Variants in RARB observed in about 807,000 individuals in gnomAD.
RARB encodes HBV-activated protein.
A neutral mutation model predicts 51.9 loss-of-function variants in RARB; 17 were observed. That is an observed-to-expected ratio of 0.33 (90% CI 0.22 to 0.49). RARB has a LOEUF of 0.49. RARB is among the 20% of genes least tolerant of loss of function. The probability of loss-of-function intolerance (pLI) is 0.99; values close to 1 mark genes in which losing one functional copy is unlikely to be tolerated. For synonymous variants in RARB, 215 were observed against 195.4 expected (o/e 1.10, Z -0.84); for missense variants, 369 against 550.8 (o/e 0.67, Z 3.30).
At chr3:25,460,278 A>G (rs973534278) in intron 1 of RARB, among the ~76,000 whole-genome samples, 1 of 152,100 alleles carries the variant, frequency 6.6e-6, no homozygotes, top group African/African-American at 2.4e-5. Flanking sequence ...TGTTGGCCCA[A>G]GGAGCCTTCT....
chr3:25,251,236 A>G (rs963598332), intron 5 of RARB, among the ~76,000 whole-genome samples: 4 of 151,988 alleles, frequency 2.6e-5, no homozygotes, highest in South Asian at 2.1e-4. Flanking sequence ...ATTATATTTT[A>G]TAGATATAGA....
At chr3:25,454,605 C>A (rs984251533) in intron 1 of RARB, among the ~76,000 whole-genome samples, 1 of 152,150 alleles carries the variant, frequency 6.6e-6, no homozygotes, top group East Asian at 1.9e-4. Context: ...ATGATGCCTG[C>A]CTGCCTGTAA....
chr3:25,450,888 G>A lies in RARB; in HGVS notation c.158-10305G>A, dbSNP rs185730750. On this transcript the variant is annotated intron_variant, in intron 1 of 7. Coordinates refer to ENST00000330688, the MANE Select transcript of RARB (RefSeq NM_000965.5). ...TCACCTGAGGTCAGGAGTTCGAGACGAGCCTGGCTAACATGGTGAAACCCG... is the reference window on the plus strand; with the variant it reads ...TCACCTGAGGTCAGGAGTTCGAGACAAGCCTGGCTAACATGGTGAAACCCG... 2.8e-3 allele frequency among the ~76,000 whole-genome samples: 428 copies of A among 152,212 alleles called. 1 individual carries two copies. Among genetic ancestry groups the A allele is most frequent in the Non-Finnish European group, 5.2e-3 (354 of 68,002 alleles).
intron 5 of RARB, among the ~76,000 whole-genome samples, chr3:25,220,311 A>T (rs1701919848): frequency 6.6e-6 from 1 of 152,206 alleles, no homozygotes; most frequent in African/African-American, 2.4e-5. Flanking sequence ...GCAGTAACTT[A>T]GATGTTGTGT....
chr3:25,067,669 A>C (rs1698689336), intron 3 of RARB, among the ~76,000 whole-genome samples: 1 of 152,202 alleles, frequency 6.6e-6, no homozygotes, highest in South Asian at 2.1e-4. Flanking sequence ...ATTTCAATGA[A>C]TAAATCTTCC....
chr3:25,399,678 G>A (rs1256441891), intron 5 of RARB, among the ~76,000 whole-genome samples: 2 of 152,200 alleles, frequency 1.3e-5, no homozygotes, highest in Non-Finnish European at 2.9e-5. Flanking sequence ...CCCTTGGCTT[G>A]TGAAGCTACC....
At chr3:25,567,073 A>G (rs1471277285) in intron 3 of RARB, among the ~76,000 whole-genome samples, 1 of 151,984 alleles carries the variant, frequency 6.6e-6, no homozygotes, top group Non-Finnish European at 1.5e-5. Flanking sequence ...TTCAGAATCG[A>G]CTCAAACAGT....
At chr3:25,394,830 T>C (rs1042077195) in intron 5 of RARB, among the ~76,000 whole-genome samples, 1 of 152,182 alleles carries the variant, frequency 6.6e-6, no homozygotes, top group African/African-American at 2.4e-5. Flanking sequence ...AGCAGATACT[T>C]GGTTGCTGAA....
chr3:25,107,054 C>G (rs1436977381), intron 3 of RARB, among the ~76,000 whole-genome samples: 1 of 152,096 alleles, frequency 6.6e-6, no homozygotes. Context: ...GTAAGCACCA[C>G]TATACCCAGC....
chr3:25,364,397 A>C (rs927392509), intron 5 of RARB, among the ~76,000 whole-genome samples: 3 of 152,220 alleles, frequency 2.0e-5, no homozygotes, highest in Admixed American at 6.5e-5. Context: ...GTTGAATCCT[A>C]TGTACCTCCT....
chr3:25,518,664 A>G (rs1463375432), intron 3 of RARB, among the ~76,000 whole-genome samples: 1 of 152,210 alleles, frequency 6.6e-6, no homozygotes, highest in East Asian at 1.9e-4. Context: ...TCTTCATTCC[A>G]TTTCAAATTC....
intron 4 of RARB, among the ~76,000 whole-genome samples, chr3:25,135,944 A>AT (rs11457527): frequency 0.57 from 86,559 of 151,492 alleles, 25,001 homozygotes; most frequent in East Asian, 0.7. Flanking sequence ...CATTAAAAAA[A>AT]GAAATATAAA....
intron 5 of RARB, among the ~76,000 whole-genome samples, chr3:25,280,127 T>C (rs985503847): frequency 6.6e-6 from 1 of 152,100 alleles, no homozygotes; most frequent in Non-Finnish European, 1.5e-5. Flanking sequence ...GGTACAGTTG[T>C]GTAATGTTGT....
At chr3:25,001,675 T>C (rs943378264) in intron 2 of RARB, among the ~76,000 whole-genome samples, 2 of 152,200 alleles carry the variant, frequency 1.3e-5, no homozygotes, top group Admixed American at 6.5e-5. Context: ...TTCAAAATAG[T>C]GTATCTAACA....
intron 7 of RARB, 34 bp from the exon 8 acceptor site, chr3:25,596,386 T>C: frequency 5.2e-6 from 8 of 1,546,262 alleles, no homozygotes; most frequent in Non-Finnish European, 7.1e-6. Context: ...TAACTCCTTA[T>C]CTTAACCATA....
chr3:25,416,901 G>C (rs528136011), intron 5 of RARB, among the ~76,000 whole-genome samples: 2 of 152,214 alleles, frequency 1.3e-5, no homozygotes. Context: ...GGTAATAGCA[G>C]TAAGACCAGG....
chr3:25,490,080 T>G (rs1276260604), intron 2 of RARB, among the ~76,000 whole-genome samples: 1 of 152,228 alleles, frequency 6.6e-6, no homozygotes, highest in East Asian at 1.9e-4. Context: ...AAATCCCTGT[T>G]ATTTTTCAGT....
chr3:25,573,427 A>G (rs1054703469), intron 4 of RARB, among the ~76,000 whole-genome samples: 16 of 152,294 alleles, frequency 1.1e-4, no homozygotes, highest in African/African-American at 3.6e-4. Flanking sequence ...GCAGAAAAAC[A>G]GAAACACGAT....
chr3:25,150,215 AT>A (rs1700262111), intron 4 of RARB, among the ~76,000 whole-genome samples: 2 of 146,488 alleles, frequency 1.4e-5, no homozygotes, highest in South Asian at 2.2e-4. Flanking sequence ...AAAAAAAAAA[AT>A]TGTTAAACAT....
Sources: gnomAD v4.1 joint callset for allele counts (sites outside exome capture counted in the v4.1 genomes callset) on GRCh38, gnomAD v4.1.1 for gene constraint, MANE v1.5 for transcripts, NCBI Gene and HGNC (gene_info 2026-07-23, HGNC 2026-07-21) for gene names.